The following DLG2 variants were observed in gnomAD, a reference collection of about 807,000 sequenced individuals.
DLG2 encodes discs large MAGUK scaffold protein 2.
Under a neutral mutation model 132.5 loss-of-function variants are expected in DLG2, and 45 were observed. The ratio of observed to expected loss-of-function variants is 0.34; its 90% CI spans 0.27 to 0.44. The LOEUF is 0.44. Among genes scored for constraint, DLG2 ranks in the 20% least tolerant of loss-of-function variants. DLG2 has a pLI of 1.00. For missense variants in DLG2, 1,045 were observed against 1,196.9 expected (o/e 0.87, Z 1.87); for synonymous variants, 424 against 419.6 (o/e 1.01, Z -0.13).
chr11:83,819,099 G>A (rs183008468), intron 17 of DLG2, among the ~76,000 whole-genome samples: 36 of 152,212 alleles, frequency 2.4e-4, no homozygotes, highest in South Asian at 1.0e-3. Flanking sequence ...AGGTCTATAT[G>A]TGCCTGATGA....
intron 7 of DLG2, among the ~76,000 whole-genome samples, chr11:84,280,867 ATTTTTTTTT>A (rs35970331): frequency 2.2e-4 from 15 of 67,702 alleles, no homozygotes; most frequent in African/African-American, 3.5e-4. Flanking sequence ...TGCCCAGCCA[ATTTTTTTTT>A]TTTTTTTTTT....
intron 9 of DLG2, among the ~76,000 whole-genome samples, chr11:84,129,398 A>C (rs1453637418): frequency 1.3e-5 from 2 of 152,092 alleles, no homozygotes; most frequent in African/African-American, 2.4e-5. Flanking sequence ...TCAATTATAC[A>C]GTCTCATTAT....
At chr11:83,978,062 A>G (rs1014723217) in intron 12 of DLG2, among the ~76,000 whole-genome samples, 1 of 152,032 alleles carries the variant, frequency 6.6e-6, no homozygotes, top group African/African-American at 2.4e-5. Flanking sequence ...TTCAATCTCT[A>G]TTTTGTCCTA....
chr11:85,102,016 C>T (rs1337418669), intron 6 of DLG2, among the ~76,000 whole-genome samples: 1 of 151,858 alleles, frequency 6.6e-6, no homozygotes, highest in Non-Finnish European at 1.5e-5. Flanking sequence ...TTGTGGCTGC[C>T]AAGATGGTGG....
At chr11:84,792,935 T>C (rs2074070525) in intron 6 of DLG2, among the ~76,000 whole-genome samples, 1 of 152,162 alleles carries the variant, frequency 6.6e-6, no homozygotes, top group African/African-American at 2.4e-5. Flanking sequence ...TGTATCTTTA[T>C]TATTACTTTT....
intron 3 of DLG2, among the ~76,000 whole-genome samples, chr11:85,424,832 A>G (rs958035998): frequency 6.1e-4 from 93 of 152,188 alleles, no homozygotes; most frequent in Admixed American, 1.7e-3. Context: ...ACAAATCAAG[A>G]ACAATTCCCT....
At chr11:84,968,898 A>AT (rs997142405) in intron 6 of DLG2, among the ~76,000 whole-genome samples, 11 of 152,118 alleles carry the variant, frequency 7.2e-5, no homozygotes, top group African/African-American at 1.9e-4. Context: ...GCAATTTAAC[A>AT]TTTTTAAAAA....
intron 15 of DLG2, among the ~76,000 whole-genome samples, chr11:83,906,946 A>C (rs1459135098): frequency 2.6e-5 from 4 of 152,204 alleles, no homozygotes; most frequent in Non-Finnish European, 4.4e-5. Flanking sequence ...CTAATATAAG[A>C]TAAAAGTACT....
chr11:84,512,493 C>G (rs1377984796), intron 7 of DLG2, among the ~76,000 whole-genome samples: 4 of 152,054 alleles, frequency 2.6e-5, no homozygotes, highest in Non-Finnish European at 5.9e-5. Flanking sequence ...ACTTGAAGCT[C>G]CTTTTGAACA....
chr11:84,361,173 C>T (rs1225177408), intron 7 of DLG2, among the ~76,000 whole-genome samples: 4 of 151,942 alleles, frequency 2.6e-5, no homozygotes, highest in Non-Finnish European at 5.9e-5. Flanking sequence ...AATAAAAACA[C>T]TATTTAAAGA....
intron 9 of DLG2, among the ~76,000 whole-genome samples, chr11:84,156,798 A>C (rs1596310413): frequency 6.6e-6 from 1 of 152,210 alleles, no homozygotes; most frequent in Non-Finnish European, 1.5e-5. Context: ...TGGGAATTTT[A>C]AAAACAGTAT....
intron 6 of DLG2, among the ~76,000 whole-genome samples, chr11:84,808,637 G>A (rs909632218): frequency 6.6e-6 from 1 of 151,870 alleles, no homozygotes; most frequent in African/African-American, 2.4e-5. Flanking sequence ...TAAAGACCCT[G>A]GAGACATCCA....
chr11:84,031,468 T>A (rs2095689542), intron 11 of DLG2, among the ~76,000 whole-genome samples: 2 of 152,108 alleles, frequency 1.3e-5, no homozygotes, highest in African/African-American at 4.8e-5. Context: ...TGAGATTGTA[T>A]CAAAAGGAGG....
At chr11:85,459,309 T>G (rs1342469078) in intron 3 of DLG2, among the ~76,000 whole-genome samples, 1 of 152,194 alleles carries the variant, frequency 6.6e-6, no homozygotes, top group Non-Finnish European at 1.5e-5. Context: ...CTACTGGCTC[T>G]GCTTGTTGAG....
intron 6 of DLG2, among the ~76,000 whole-genome samples, chr11:85,030,760 A>G (rs1026411765): frequency 6.6e-5 from 10 of 152,074 alleles, no homozygotes; most frequent in Admixed American, 2.0e-4. Flanking sequence ...TTTCTCTTAC[A>G]TTAATCCCAC....
intron 6 of DLG2, among the ~76,000 whole-genome samples, chr11:84,856,967 G>A (rs1028593250): frequency 3.3e-5 from 5 of 151,878 alleles, no homozygotes; most frequent in African/African-American, 1.2e-4. Context: ...CACAAGCCAA[G>A]GGAAGAGATC....
chr11:83,809,360 A>G (rs1356476640), intron 17 of DLG2, among the ~76,000 whole-genome samples: 1 of 152,164 alleles, frequency 6.6e-6, no homozygotes, highest in African/African-American at 2.4e-5. Context: ...TTGCTTATAC[A>G]TAATGCTCTG....
intron 19 of DLG2, among the ~76,000 whole-genome samples, chr11:83,605,599 A>G (rs1162863143): frequency 6.6e-6 from 1 of 152,238 alleles, no homozygotes; most frequent in Non-Finnish European, 1.5e-5. Flanking sequence ...AACTGGTTTT[A>G]TACTCACTTT....
chr11:85,118,455 CT>C (rs775324003), intron 5 of DLG2, among the ~76,000 whole-genome samples: 14 of 152,026 alleles, frequency 9.2e-5, no homozygotes, highest in Non-Finnish European at 1.9e-4. Flanking sequence ...TTCTAAGCAC[CT>C]AGCTACCCAG....
Sources: gnomAD v4.1 joint callset for allele counts (sites outside exome capture counted in the v4.1 genomes callset) on GRCh38, gnomAD v4.1.1 for gene constraint, MANE v1.5 for transcripts, NCBI Gene and HGNC (gene_info 2026-07-23, HGNC 2026-07-21) for gene names.